The following RAPGEF5 variants were observed in gnomAD, a reference collection of about 807,000 sequenced individuals.
The protein encoded by RAPGEF5 is Rap guanine nucleotide exchange factor 5.
RAPGEF5 carries 65 observed loss-of-function variants against 125.2 expected under a neutral mutation model. That is an observed-to-expected ratio of 0.52 (90% confidence interval 0.43 to 0.64). RAPGEF5 has a LOEUF of 0.64. RAPGEF5 is among the 30% of genes least tolerant of loss of function. RAPGEF5 has a pLI of 0.00. For synonymous variants in RAPGEF5, 391 were observed against 385.9 expected (o/e 1.01, Z -0.16); for missense variants, 958 against 1,048.1 (o/e 0.91, Z 1.19).
At position 22,193,693 on chromosome 7, in the gene RAPGEF5, A is replaced by T. The variant is rs1052151749; in HGVS notation, c.1115+222T>A. 57 of 1,551,156 alleles carry T rather than the reference A, an allele frequency of 3.7e-5. No individual in the cohort carries two copies. The African/African-American group carries it at 6.7e-4, about 18-fold the overall frequency. On this transcript the variant is annotated intron_variant, in intron 10 of 25. Transcript: ENST00000665637. Reference sequence around the variant, plus strand: ...CGGTTACTAACAAAGGCATCCCCTAAATGCTAAAAGATCTTGCCATCCCTG... The same window carrying T: ...CGGTTACTAACAAAGGCATCCCCTATATGCTAAAAGATCTTGCCATCCCTG...
At chr7:22,294,715 T>C (rs1224726212) in intron 5 of RAPGEF5, among the ~76,000 whole-genome samples, 1 of 152,094 alleles carries the variant, frequency 6.6e-6, no homozygotes, top group Non-Finnish European at 1.5e-5. Flanking sequence ...CTTCAAGACA[T>C]ATCTCTCACC....
intron 11 of RAPGEF5, chr7:22,193,113 G>T: frequency 1.8e-6 from 1 of 540,588 alleles, no homozygotes. Context: ...GGGAAAAATT[G>T]CCAAAGAAAC....
At chr7:22,199,932 G>T (rs1785239957) in intron 9 of RAPGEF5, among the ~76,000 whole-genome samples, 1 of 152,150 alleles carries the variant, frequency 6.6e-6, no homozygotes, top group Non-Finnish European at 1.5e-5. Context: ...TAGAACAAAT[G>T]AAGACGATTC....
chr7:22,150,954 T>C (rs548947012), intron 17 of RAPGEF5, among the ~76,000 whole-genome samples: 1 of 152,242 alleles, frequency 6.6e-6, no homozygotes, highest in Non-Finnish European at 1.5e-5. Context: ...CGGATACACA[T>C]ATACATTTGC....
intron 24 of RAPGEF5, among the ~76,000 whole-genome samples, chr7:22,125,993 C>G (rs901833184): frequency 6.6e-6 from 1 of 151,848 alleles, no homozygotes; most frequent in African/African-American, 2.4e-5. Flanking sequence ...ACTAAAAATA[C>G]AAAAAAATTA....
rs1291193574 is a variant in RAPGEF5, at chr7:22,356,984, A to G, written c.77T>C (p.Val26Ala). The G allele has an allele frequency of 8.8e-6, 9 of 1,024,606 alleles. No homozygotes were observed. The highest frequency in any genetic ancestry group is 9.2e-5 in the East Asian group (1 of 10,892). 63.5% of individuals were successfully genotyped at this position (1,024,606 alleles called of 1,614,324 possible). A position where few individuals can be genotyped will look rare whatever the true frequency, so the allele number is the denominator to read the frequency against. ...GCGGCGCAGGGGGCCGTCTGCCGCC[A>G]CCACCGCCGCCGCGGCGGCCAGGGC... ...SPALAAAAAV[V>A]AADGPLRRSP... is the part of the protein sequence containing the mutation. Residue 26 changes from valine to alanine, a missense_variant, in exon 1 of 26, where the codon GTG (valine) becomes GCG (alanine). Coordinates refer to ENST00000665637, the MANE Select transcript of RAPGEF5 (RefSeq NM_012294.5).
intron 6 of RAPGEF5, among the ~76,000 whole-genome samples, chr7:22,282,114 C>T (rs10238471): frequency 0.15 from 23,193 of 152,146 alleles, 1,806 homozygotes; most frequent in South Asian, 0.23. Flanking sequence ...CCATTCCCCC[C>T]TCTCCAGCGG....
intron 1 of RAPGEF5, among the ~76,000 whole-genome samples, chr7:22,318,627 C>T (rs946612219): frequency 1.3e-5 from 2 of 152,196 alleles, no homozygotes; most frequent in African/African-American, 4.8e-5. Context: ...TTCAGTTTAG[C>T]AAGACCTACT....
At chr7:22,138,043 GCACA>G (rs148966394) in intron 21 of RAPGEF5, among the ~76,000 whole-genome samples, 2 of 147,770 alleles carry the variant, frequency 1.4e-5, no homozygotes, top group South Asian at 4.3e-4. Context: ...ACGCACGCAC[GCACA>G]CACACACCCC....
At chr7:22,274,979 T>G (rs1015697210) in intron 6 of RAPGEF5, among the ~76,000 whole-genome samples, 1 of 152,192 alleles carries the variant, frequency 6.6e-6, no homozygotes, top group African/African-American at 2.4e-5. Flanking sequence ...TCTCCATTCC[T>G]CCTTCCAAAA....
intron 7 of RAPGEF5, among the ~76,000 whole-genome samples, chr7:22,260,322 A>T (rs1782119344): frequency 6.6e-6 from 1 of 152,172 alleles, no homozygotes; most frequent in African/African-American, 2.4e-5. Context: ...ATTGTAAAAA[A>T]CGTAACATTC....
At chr7:22,344,112 T>C (rs1298497273) in intron 1 of RAPGEF5, among the ~76,000 whole-genome samples, 1 of 152,120 alleles carries the variant, frequency 6.6e-6, no homozygotes, top group Non-Finnish European at 1.5e-5. Context: ...CCAGCATCAC[T>C]TTCAAGGCCA....
chr7:22,223,388 T>A (rs1785839819), intron 8 of RAPGEF5, among the ~76,000 whole-genome samples: 1 of 152,210 alleles, frequency 6.6e-6, no homozygotes, highest in South Asian at 2.1e-4. Context: ...CTGTTTGAAC[T>A]GATAGGGACA....
Position 22,154,608 on chromosome 7 carries a change from C to A in RAPGEF5, c.1637-4G>T, listed in dbSNP as rs1783740715. On this transcript the variant is annotated splice_polypyrimidine_tract_variant and splice_region_variant and intron_variant, in intron 16 of 25. Transcript: ENST00000665637. Reference sequence around the variant, plus strand: ...GTTATATACACGTGGCAGAAAACTGCACAAGTGAAAAGAATTGTTTGGAAA... The same window carrying A: ...GTTATATACACGTGGCAGAAAACTGAACAAGTGAAAAGAATTGTTTGGAAA... 2 of 1,611,596 alleles carry A rather than the reference C, an allele frequency of 1.2e-6. No individual in the cohort carries two copies. The highest frequency in any genetic ancestry group is 1.1e-5 in the South Asian group (1 of 90,578).
intron 11 of RAPGEF5, among the ~76,000 whole-genome samples, chr7:22,170,965 T>C (rs1784330970): frequency 6.6e-6 from 1 of 152,086 alleles, no homozygotes; most frequent in Admixed American, 6.6e-5. Flanking sequence ...ATTTAACTAC[T>C]ATATTGTTCT....
intron 6 of RAPGEF5, among the ~76,000 whole-genome samples, chr7:22,285,214 T>A (rs1329743029): frequency 2.0e-5 from 3 of 152,058 alleles, no homozygotes; most frequent in African/African-American, 2.4e-5. Flanking sequence ...TAGGAAAAAA[T>A]CAAAATTCAA....
intron 1 of RAPGEF5, among the ~76,000 whole-genome samples, chr7:22,333,992 G>T (rs1018700921): frequency 6.6e-6 from 1 of 151,284 alleles, no homozygotes; most frequent in African/African-American, 2.4e-5. Context: ...GTTGTGCATG[G>T]GAGCGGCTGG....
Position 22,122,517 on chromosome 7 carries a change from G to A in RAPGEF5, c.2541C>T (p.Asp847=), listed in dbSNP as rs1326936183. 6.2e-7 allele frequency: 1 copy of A among 1,609,548 alleles called. No homozygotes were observed. The highest frequency in any genetic ancestry group is 1.7e-5 in the Admixed American group (1 of 60,014). Residue 847 remains aspartate (D), a synonymous_variant, in exon 26 of 26, where the codon GAC becomes GAT. Transcript: ENST00000665637. ...LRHCRTNQFG[D]LSPKEHQELK... Reference sequence around the variant, plus strand: ...ACTCTTGATGCTCTTTTGGAGACAGGTCACCTGTTGTTTAGAGGGGGAAAA... The same window carrying A: ...ACTCTTGATGCTCTTTTGGAGACAGATCACCTGTTGTTTAGAGGGGGAAAA...
intron 23 of RAPGEF5, among the ~76,000 whole-genome samples, chr7:22,132,630 C>T (rs1782949809): frequency 6.6e-6 from 1 of 152,194 alleles, no homozygotes; most frequent in Admixed American, 6.5e-5. Flanking sequence ...AAGGTCTGGC[C>T]TCTACTAACT....
Sources: allele counts gnomAD v4.1 joint callset (sites outside exome capture counted in the v4.1 genomes callset), GRCh38; gene constraint gnomAD v4.1.1; transcripts MANE v1.5; gene names NCBI Gene and HGNC (gene_info 2026-07-23, HGNC 2026-07-21).